Variants in DACH2 observed in about 807,000 individuals in gnomAD.
The protein encoded by DACH2 is dachshund homolog 2.
A neutral mutation model predicts 35.8 loss-of-function variants in DACH2; 17 were observed. That is an observed-to-expected ratio of 0.48 (90% confidence interval 0.33 to 0.71). DACH2 has a LOEUF of 0.71. Among genes scored for constraint, DACH2 ranks in the 30% least tolerant of loss-of-function variants. The pLI, the probability that DACH2 is intolerant of heterozygous loss-of-function variation, is 0.02. For synonymous variants in DACH2, 195 were observed against 177.3 expected, an observed-to-expected ratio of 1.10 and a Z score of -0.79; for missense variants, 469 against 472.7, an observed-to-expected ratio of 0.99 and a Z score of 0.07.
chrX:86,819,464 A>C (rs1216639414), intron 11 of DACH2, among the ~76,000 whole-genome samples: 1 of 107,915 alleles, frequency 9.3e-6, no homozygotes, highest in African/African-American at 3.3e-5. Context: ...ATGACATTCA[A>C]GTGCCATTTG....
intron 2 of DACH2, 60 bp from the exon 3 acceptor site, chrX:86,514,219 T>C: frequency 9.9e-7 from 1 of 1,005,405 alleles, no homozygotes; most frequent in Non-Finnish European, 1.4e-6. Context: ...TTGCAAGTGA[T>C]GGTTTTCTCA....
intron 6 of DACH2, 92 bp downstream of exon 6, chrX:86,714,812 C>T (rs1196375522): frequency 9.7e-6 from 8 of 821,172 alleles, no homozygotes; most frequent in Non-Finnish European, 1.2e-5. Flanking sequence ...TCAGTAGTAA[C>T]TCAGCTCATT....
intron 3 of DACH2, among the ~76,000 whole-genome samples, chrX:86,551,017 A>G (rs1352413553): frequency 8.9e-6 from 1 of 111,967 alleles, no homozygotes; most frequent in Non-Finnish European, 1.9e-5. Context: ...ATGTTTCCCA[A>G]TAGATTTTGA....
intron 3 of DACH2, among the ~76,000 whole-genome samples, chrX:86,626,701 T>C (rs943039532): frequency 1.8e-5 from 2 of 113,144 alleles, no homozygotes; most frequent in Non-Finnish European, 3.7e-5. Context: ...CTTAACATCA[T>C]GTGGAAGCCA....
chrX:86,605,805 A>C (rs1264344908), intron 3 of DACH2, among the ~76,000 whole-genome samples: 1 of 107,742 alleles, frequency 9.3e-6, no homozygotes, highest in Non-Finnish European at 1.9e-5. Flanking sequence ...TGTTTTTATT[A>C]ATCTACTTCA....
At chrX:86,418,282 C>T (rs749973686) in intron 2 of DACH2, among the ~76,000 whole-genome samples, 35 of 111,839 alleles carry the variant, frequency 3.1e-4, no homozygotes, top group African/African-American at 1.1e-3. Flanking sequence ...CACAGCTCCA[C>T]TAGGTGGTGC....
chrX:86,512,743 G>T (rs1445142270), intron 2 of DACH2, among the ~76,000 whole-genome samples: 2 of 112,105 alleles, frequency 1.8e-5, no homozygotes, highest in East Asian at 5.6e-4. Context: ...CTGATGCCTG[G>T]ATATATTCCG....
intron 1 of DACH2, among the ~76,000 whole-genome samples, chrX:86,366,676 G>T (rs1006159980): frequency 9.0e-6 from 1 of 110,922 alleles, no homozygotes; most frequent in Non-Finnish European, 1.9e-5. Context: ...CTGGAGGGGG[G>T]TCCTGGTGGG....
At chrX:86,155,964 A>G (rs897977508) in intron 1 of DACH2, among the ~76,000 whole-genome samples, 1 of 111,147 alleles carries the variant, frequency 9.0e-6, no homozygotes, top group African/African-American at 3.2e-5. Context: ...TCAATAAATT[A>G]TGGAAAATAG....
intron 9 of DACH2, among the ~76,000 whole-genome samples, 184 bp downstream of exon 9, chrX:86,813,461 A>C (rs933330871): frequency 4.8e-5 from 5 of 105,080 alleles, no homozygotes; most frequent in African/African-American, 1.4e-4. Flanking sequence ...AAAAAAAAAA[A>C]ATTAGCTGGG....
intron 5 of DACH2, among the ~76,000 whole-genome samples, chrX:86,696,339 T>A (rs2041067566): frequency 9.0e-6 from 1 of 111,651 alleles, no homozygotes; most frequent in Non-Finnish European, 1.9e-5. Flanking sequence ...GTGGTTATAA[T>A]CTCAAGCATA....
chrX:86,469,638 G>A (rs768173636), intron 2 of DACH2, among the ~76,000 whole-genome samples: 31 of 110,790 alleles, frequency 2.8e-4, no homozygotes, highest in Non-Finnish European at 5.3e-4. Flanking sequence ...ATATTTTAGT[G>A]TCTTTCATTC....
At chrX:86,568,946 C>A (rs1208544937) in intron 3 of DACH2, among the ~76,000 whole-genome samples, 1 of 111,592 alleles carries the variant, frequency 9.0e-6, no homozygotes, top group African/African-American at 3.2e-5. Context: ...TTTTCTTCTT[C>A]TGTGGTTCTA....
rs1024531561 is a variant in DACH2, at chrX:86,168,467, G to A, written c.488+19359G>A. Among the ~76,000 whole-genome samples, 4 of 110,871 alleles carry A rather than the reference G, an allele frequency of 3.6e-5. No homozygotes were observed. In the Admixed American group the frequency reaches 3.8e-4, roughly 11 times the overall value. ...TGTTTCTTGTGGGCAACGGATCAAT[G>A]GGTCTTGTTTTTTCATCCATTCAAA... is the stretch of plus-strand genomic sequence containing the variant. On this transcript the variant is annotated intron_variant, in intron 1 of 11. Coordinates refer to ENST00000373125, the MANE Select transcript of DACH2 (RefSeq NM_053281.3).
At chrX:86,154,667 G>A (rs113203024) in intron 1 of DACH2, among the ~76,000 whole-genome samples, 159 of 111,524 alleles carry the variant, frequency 1.4e-3, no homozygotes, top group African/African-American at 4.5e-3. Context: ...AAGCGGCTCT[G>A]TGAGGCTGCA....
intron 3 of DACH2, among the ~76,000 whole-genome samples, chrX:86,579,713 A>G (rs954374815): frequency 3.6e-5 from 4 of 112,252 alleles, no homozygotes; most frequent in African/African-American, 9.7e-5. Context: ...ATTGTTTTAC[A>G]TTTAGATATA....
intron 3 of DACH2, among the ~76,000 whole-genome samples, chrX:86,647,926 A>G (rs1365541608): frequency 9.0e-6 from 1 of 111,160 alleles, no homozygotes; most frequent in African/African-American, 3.3e-5. Context: ...AGAAGAGTGT[A>G]GAGTACCATA....
intron 1 of DACH2, among the ~76,000 whole-genome samples, chrX:86,271,911 G>A (rs195041): frequency 0.16 from 17,589 of 110,104 alleles, 1,405 homozygotes; most frequent in African/African-American, 0.27. Flanking sequence ...TGAAGTGAGG[G>A]CATTTAGGGT....
chrX:86,563,772 C>T, intron 3 of DACH2, among the ~76,000 whole-genome samples: 1 of 110,629 alleles, frequency 9.0e-6, no homozygotes, highest in Middle Eastern at 4.7e-3. Context: ...TCTCCCATGT[C>T]TCTCCTAAGT....
Sources: gnomAD v4.1 joint callset for allele counts (sites outside exome capture counted in the v4.1 genomes callset) on GRCh38, gnomAD v4.1.1 for gene constraint, MANE v1.5 for transcripts, NCBI Gene and HGNC (gene_info 2026-07-23, HGNC 2026-07-21) for gene names.